Variants in RIMS2 observed in about 807,000 individuals in gnomAD.
The protein encoded by RIMS2 is regulating synaptic membrane exocytosis 2.
Under a neutral mutation model 174.4 loss-of-function variants are expected in RIMS2, and 59 were observed. That is an observed-to-expected ratio of 0.34 (90% confidence interval 0.27 to 0.42). The LOEUF (loss-of-function observed/expected upper bound fraction) is 0.42. Among genes scored for constraint, RIMS2 ranks in the 10% least tolerant of loss-of-function variants. The probability of loss-of-function intolerance (pLI) is 1.00; values close to 1 mark genes in which losing one functional copy is unlikely to be tolerated. For missense variants in RIMS2, 1,620 were observed against 1,666.3 expected (o/e 0.97, Z 0.48); for synonymous variants, 606 against 572.5 (o/e 1.06, Z -0.84).
chr8:103,636,785 CGCA>C (rs1402499835), intron 1 of RIMS2, among the ~76,000 whole-genome samples: 502 of 63,176 alleles, frequency 7.9e-3, no homozygotes, highest in African/African-American at 0.011. Context: ...AACCCACCCC[CGCA>C]CCCCCCCCCC....
chr8:104,035,625 G>T (rs2096497264), intron 19 of RIMS2, among the ~76,000 whole-genome samples: 1 of 150,972 alleles, frequency 6.6e-6, no homozygotes, highest in South Asian at 2.1e-4. Flanking sequence ...AATTTTTTTT[G>T]AGTATTTTGA....
At chr8:103,677,518 C>T (rs2096829974) in intron 1 of RIMS2, among the ~76,000 whole-genome samples, 2 of 152,104 alleles carry the variant, frequency 1.3e-5, no homozygotes. Context: ...AAACAGAAAT[C>T]CATGGATCTT....
chr8:104,198,104 C>T (rs1199427939), intron 19 of RIMS2, among the ~76,000 whole-genome samples: 2 of 152,074 alleles, frequency 1.3e-5, no homozygotes, highest in Non-Finnish European at 2.9e-5. Context: ...GACATAATTA[C>T]GGATGCATGC....
At chr8:104,045,467 T>C (rs2096677107) in intron 19 of RIMS2, among the ~76,000 whole-genome samples, 4 of 151,850 alleles carry the variant, frequency 2.6e-5, no homozygotes, top group South Asian at 4.1e-4. Flanking sequence ...ACAAGTCTAA[T>C]ACAAAATAAA....
chr8:104,190,339 G>A (rs923550869), intron 19 of RIMS2, among the ~76,000 whole-genome samples: 1 of 151,456 alleles, frequency 6.6e-6, no homozygotes, highest in African/African-American at 2.4e-5. Flanking sequence ...AAAAAGATAA[G>A]GATCCTTACT....
At chr8:104,120,159 C>T (rs1021321285) in intron 19 of RIMS2, among the ~76,000 whole-genome samples, 1 of 152,132 alleles carries the variant, frequency 6.6e-6, no homozygotes, top group African/African-American at 2.4e-5. Context: ...AGATGATCTT[C>T]AAGTCTCCTC....
chr8:103,504,589 T>C (rs1355568469), intron 1 of RIMS2, among the ~76,000 whole-genome samples: 1 of 152,088 alleles, frequency 6.6e-6, no homozygotes, highest in Non-Finnish European at 1.5e-5. Context: ...TTAGAAATTA[T>C]GTGTTTCTTG....
At chr8:104,106,289 T>C (rs982292792) in intron 19 of RIMS2, among the ~76,000 whole-genome samples, 1 of 140,168 alleles carries the variant, frequency 7.1e-6, no homozygotes, top group Non-Finnish European at 1.5e-5. Flanking sequence ...TACTTTGTAA[T>C]ATAGTTAGTT....
At chr8:104,034,846 A>G (rs766490877) in intron 19 of RIMS2, among the ~76,000 whole-genome samples, 6 of 152,182 alleles carry the variant, frequency 3.9e-5, no homozygotes, top group Non-Finnish European at 8.8e-5. Flanking sequence ...TATCATATTA[A>G]TAATTTTAAC....
chr8:104,162,217 G>A (rs1408461985), intron 19 of RIMS2, among the ~76,000 whole-genome samples: 1 of 152,152 alleles, frequency 6.6e-6, no homozygotes, highest in Non-Finnish European at 1.5e-5. Context: ...GGAAATTCAA[G>A]AAATACTGTA....
chr8:103,991,296 C>T (rs1237451155), intron 17 of RIMS2, among the ~76,000 whole-genome samples: 4 of 151,062 alleles, frequency 2.6e-5, no homozygotes, highest in Non-Finnish European at 5.9e-5. Flanking sequence ...TGTGAGCTGC[C>T]TTAAATCCTT....
At chr8:103,902,850 T>C (rs1476940579) in intron 4 of RIMS2, among the ~76,000 whole-genome samples, 5 of 152,118 alleles carry the variant, frequency 3.3e-5, no homozygotes, top group Non-Finnish European at 7.4e-5. Flanking sequence ...ACCTATTTAA[T>C]TGTACTTAAA....
intron 2 of RIMS2, among the ~76,000 whole-genome samples, chr8:103,742,486 T>C (rs1309511234): frequency 6.6e-6 from 1 of 152,162 alleles, no homozygotes; most frequent in Non-Finnish European, 1.5e-5. Context: ...ATTATATCTG[T>C]AAGGGTTTAA....
At chr8:103,725,818 C>G (rs1001977195) in intron 2 of RIMS2, among the ~76,000 whole-genome samples, 2 of 152,192 alleles carry the variant, frequency 1.3e-5, no homozygotes, top group African/African-American at 4.8e-5. Context: ...TATATTCTTA[C>G]CAGCCAAATA....
chr8:104,142,187 C>T (rs10088908), intron 19 of RIMS2, among the ~76,000 whole-genome samples: 27,162 of 146,538 alleles, frequency 0.19, 2,563 homozygotes, highest in South Asian at 0.33. Flanking sequence ...AGTACAATGG[C>T]GTGATCTCGG....
chr8:103,632,731 A>ATTTTTTTTTTT (rs61579273), intron 1 of RIMS2, among the ~76,000 whole-genome samples: 29 of 70,400 alleles, frequency 4.1e-4, no homozygotes, highest in East Asian at 1.4e-3. Flanking sequence ...ATATTTATTG[A>ATTTTTTTTTTT]TTTTTTTTTT....
At chr8:104,009,110 ACTTT>A (rs1316238766) in intron 17 of RIMS2, among the ~76,000 whole-genome samples, 2 of 151,636 alleles carry the variant, frequency 1.3e-5, no homozygotes, top group African/African-American at 4.9e-5. Context: ...TGTCATAATT[ACTTT>A]AAGTTATTTA....
At chr8:103,962,166 A>G (rs1340298483) in intron 15 of RIMS2, among the ~76,000 whole-genome samples, 1 of 151,936 alleles carries the variant, frequency 6.6e-6, no homozygotes, top group Admixed American at 6.6e-5. Flanking sequence ...TTCCATTCAG[A>G]TCGTTCATCT....
intron 2 of RIMS2, among the ~76,000 whole-genome samples, chr8:103,707,421 C>T (rs2097246055): frequency 6.6e-6 from 1 of 152,102 alleles, no homozygotes; most frequent in Non-Finnish European, 1.5e-5. Context: ...AGAGGGTCTT[C>T]CAATAATTGT....
Sources: gnomAD v4.1 joint callset for allele counts (sites outside exome capture counted in the v4.1 genomes callset) on GRCh38, gnomAD v4.1.1 for gene constraint, MANE v1.5 for transcripts, NCBI Gene and HGNC (gene_info 2026-07-23, HGNC 2026-07-21) for gene names.